Variants in RERE observed in about 807,000 individuals in gnomAD.
The protein encoded by RERE is arginine-glutamic acid dipeptide repeats.
In RERE, 40 loss-of-function variants were observed where a neutral mutation model predicts 146.1. The observed-to-expected ratio is 0.27, with a 90% confidence interval of 0.21 to 0.36. The LOEUF is 0.36. Ranked by LOEUF, RERE falls within the 10% of genes least tolerant of loss-of-function variation. The pLI, the probability that RERE is intolerant of heterozygous loss-of-function variation, is 1.00. For synonymous variants in RERE, 1,003 were observed against 866.0 expected (o/e 1.16, Z -2.78); for missense variants, 1,933 against 2,138.7 (o/e 0.90, Z 1.90).
intron 4 of RERE, among the ~76,000 whole-genome samples, chr1:8,593,112 A>G (rs1306308194): frequency 6.6e-6 from 1 of 152,132 alleles, no homozygotes; most frequent in African/African-American, 2.4e-5. Context: ...TGTGGCAGAG[A>G]GTGCTTGTTC....
At chr1:8,624,514 A>AT (rs1646951889) in intron 2 of RERE, 134 bp from the exon 3 acceptor site, 1 of 603,264 alleles carries the variant, frequency 1.7e-6, no homozygotes, top group Non-Finnish European at 2.9e-6. Context: ...CCAAAAGATG[A>AT]TATTAAATTG....
chr1:8,628,907 A>T (rs1287520246), intron 2 of RERE, among the ~76,000 whole-genome samples: 1 of 152,138 alleles, frequency 6.6e-6, no homozygotes, highest in Non-Finnish European at 1.5e-5. Flanking sequence ...TCAATCTGAA[A>T]ATCTCCCACG....
rs552889751 is a variant in RERE at position 8,749,507 on chromosome 1, A to G, written c.-145+67653T>C. On this transcript the variant is annotated intron_variant, in intron 1 of 22. Transcript: ENST00000400908. ...GCCAGGGAGGGCCTCCCTAAGGAAT[A>G]ATATTGAAATGCGATCTAAATTATA... 3.9e-5 allele frequency among the ~76,000 whole-genome samples: 6 copies of G among 152,310 alleles called. No individual in the cohort carries two copies. The South Asian group carries it at 1.2e-3, about 32-fold the overall frequency.
chr1:8,408,570 A>C (rs111466648), intron 12 of RERE, among the ~76,000 whole-genome samples: 155 of 152,294 alleles, frequency 1.0e-3, no homozygotes, highest in African/African-American at 3.5e-3. Context: ...TGAGCTTCAC[A>C]GATCATTAAA....
At chr1:8,735,512 G>A (rs998224450) in intron 1 of RERE, among the ~76,000 whole-genome samples, 17 of 152,142 alleles carry the variant, frequency 1.1e-4, no homozygotes, top group African/African-American at 3.9e-4. Flanking sequence ...AGATTGTTCC[G>A]TGTCAGTCCA....
At chr1:8,792,775 G>A (rs540277980) in intron 1 of RERE, among the ~76,000 whole-genome samples, 1 of 152,164 alleles carries the variant, frequency 6.6e-6, no homozygotes, top group African/African-American at 2.4e-5. Flanking sequence ...CCAGATGCTG[G>A]ATTCTTTTTA....
At chr1:8,503,357 T>C (rs2124278207) in intron 8 of RERE, among the ~76,000 whole-genome samples, 1 of 152,290 alleles carries the variant, frequency 6.6e-6, no homozygotes, top group African/African-American at 2.4e-5. Context: ...GTCCTCTAAG[T>C]CAGCCATCCC....
chr1:8,657,565 G>A (rs1235367733), intron 1 of RERE, among the ~76,000 whole-genome samples: 4 of 152,044 alleles, frequency 2.6e-5, no homozygotes, highest in Admixed American at 2.6e-4. Context: ...ATGTATTACT[G>A]GCCAGGCGTG....
chr1:8,764,845 G>T (rs1333560288), intron 1 of RERE, among the ~76,000 whole-genome samples: 1 of 152,200 alleles, frequency 6.6e-6, no homozygotes, highest in Non-Finnish European at 1.5e-5. Flanking sequence ...AACCCAGATA[G>T]TAAGTATTAG....
intron 1 of RERE, among the ~76,000 whole-genome samples, chr1:8,700,972 T>A (rs188648949): frequency 6.6e-6 from 1 of 152,226 alleles, no homozygotes; most frequent in Admixed American, 6.5e-5. Flanking sequence ...CAAAAGCTTG[T>A]CTTGTTCTAT....
intron 11 of RERE, among the ~76,000 whole-genome samples, chr1:8,440,828 C>T (rs1332469313): frequency 2.6e-4 from 39 of 150,996 alleles, no homozygotes; most frequent in African/African-American, 8.8e-4. Context: ...ACCCAGGAGG[C>T]GGAAGTTGCA....
intron 11 of RERE, among the ~76,000 whole-genome samples, chr1:8,441,923 C>T (rs1176524966): frequency 2.6e-5 from 4 of 151,958 alleles, no homozygotes; most frequent in African/African-American, 7.2e-5. Context: ...TAACCATATG[C>T]CCGATTTCAA....
At chr1:8,562,243 G>A (rs1411231837) in intron 4 of RERE, among the ~76,000 whole-genome samples, 2 of 152,094 alleles carry the variant, frequency 1.3e-5, no homozygotes, top group East Asian at 1.9e-4. Context: ...AGAGGAAAAT[G>A]TCTTCATTTT....
chr1:8,474,759 G>A (rs1644731397), intron 10 of RERE, among the ~76,000 whole-genome samples: 1 of 152,026 alleles, frequency 6.6e-6, no homozygotes, highest in Non-Finnish European at 1.5e-5. Context: ...AGATCAAATG[G>A]CATTGCATCT....
intron 10 of RERE, among the ~76,000 whole-genome samples, chr1:8,488,715 A>T (rs1378823410): frequency 6.6e-6 from 1 of 152,130 alleles, no homozygotes. Context: ...GGCCCTAATA[A>T]CGATCAATGA....
At position 8,411,929 on chromosome 1, in the gene RERE, T is replaced by C. The variant is rs534005766; in HGVS notation, c.1284+10798A>G. On this transcript the variant is annotated intron_variant, in intron 12 of 22. Transcript: ENST00000400908. Reference sequence around the variant, plus strand: ...TCCTATTGTTCCACAAATTACAGATTCTCGCCAAATGAAAACACCTCCCTC... The same window carrying C: ...TCCTATTGTTCCACAAATTACAGATCCTCGCCAAATGAAAACACCTCCCTC... 8.5e-5 allele frequency among the ~76,000 whole-genome samples: 13 copies of C among 152,186 alleles called. No homozygotes were observed. The East Asian group carries it at 2.5e-3, about 29-fold the overall frequency.
intron 1 of RERE, among the ~76,000 whole-genome samples, chr1:8,760,366 T>A (rs1640731148): frequency 6.6e-6 from 1 of 152,186 alleles, no homozygotes; most frequent in African/African-American, 2.4e-5. Flanking sequence ...TTATACATCA[T>A]TTATATCAAT....
intron 1 of RERE, among the ~76,000 whole-genome samples, chr1:8,725,422 CGGGCAT>C (rs555238106): frequency 2.6e-5 from 4 of 152,058 alleles, no homozygotes; most frequent in Non-Finnish European, 5.9e-5. Flanking sequence ...AAAAATTATC[CGGGCAT>C]GGTGGTGGGC....
chr1:8,757,987 T>A (rs1191796388), intron 1 of RERE, among the ~76,000 whole-genome samples: 1 of 152,078 alleles, frequency 6.6e-6, no homozygotes, highest in Non-Finnish European at 1.5e-5. Context: ...TGCAACAATA[T>A]GGATGAACCT....
Sources: allele counts gnomAD v4.1 joint callset (sites outside exome capture counted in the v4.1 genomes callset), GRCh38; gene constraint gnomAD v4.1.1; transcripts MANE v1.5; gene names NCBI Gene and HGNC (gene_info 2026-07-23, HGNC 2026-07-21).